PDLIM7: variants seen among roughly 807,000 people sequenced by gnomAD.
PDLIM7 encodes PDZ and LIM domain protein 7.
In PDLIM7, 37 loss-of-function variants were observed where a neutral mutation model predicts 53.9. The observed-to-expected ratio is 0.69, with a 90% CI of 0.53 to 0.90. The LOEUF (loss-of-function observed/expected upper bound fraction) is 0.90, where lower values mean the gene tolerates loss of function less well. PDLIM7 is among the 40% of genes least tolerant of loss of function. PDLIM7 has a pLI of 0.00. For missense variants in PDLIM7, 617 were observed against 638.5 expected (o/e 0.97, Z 0.36); for synonymous variants, 300 against 261.3 (o/e 1.15, Z -1.43).
At chr5:177,496,200 G>C (rs931798466) in intron 2 of PDLIM7, among the ~76,000 whole-genome samples, 1 of 152,182 alleles carries the variant, frequency 6.6e-6, no homozygotes, top group Non-Finnish European at 1.5e-5. Flanking sequence ...AACAGCATCG[G>C]GTACAGTGCA....
intron 2 of PDLIM7, among the ~76,000 whole-genome samples, 170 bp downstream of exon 2, chr5:177,496,247 A>C (rs1759063676): frequency 6.6e-6 from 1 of 152,070 alleles, no homozygotes; most frequent in South Asian, 2.1e-4. Context: ...CCCAGTATCC[A>C]CCTCATTGGG....
At chr5:177,485,988 T>C (rs1049383511) in intron 10 of PDLIM7, among the ~76,000 whole-genome samples, 2 of 152,116 alleles carry the variant, frequency 1.3e-5, no homozygotes, top group Non-Finnish European at 2.9e-5. Flanking sequence ...CCTATCATTA[T>C]ACATAAAGAA....
At chr5:177,485,697 G>C (rs971987956) in intron 10 of PDLIM7, among the ~76,000 whole-genome samples, 1 of 152,210 alleles carries the variant, frequency 6.6e-6, no homozygotes, top group Non-Finnish European at 1.5e-5. Flanking sequence ...GTGTTAAAGA[G>C]AAATCTGCTG....
At chr5:177,491,403 C>T (rs1262742127) in intron 5 of PDLIM7, 1 of 1,551,970 alleles carries the variant, frequency 6.4e-7, no homozygotes, top group Non-Finnish European at 8.7e-7. Flanking sequence ...GGCTCACTGA[C>T]TTGTCAGGGG....
intron 4 of PDLIM7, 74 bp downstream of exon 4, chr5:177,492,331 G>A: frequency 1.3e-6 from 2 of 1,563,206 alleles, no homozygotes; most frequent in East Asian, 2.3e-5. Flanking sequence ...CCGAGAATGT[G>A]CCAGGAGGGC....
At chr5:177,496,377 A>C in intron 2 of PDLIM7, 40 bp downstream of exon 2, 1 of 1,468,110 alleles carries the variant, frequency 6.8e-7, no homozygotes, top group South Asian at 1.4e-5. Flanking sequence ...TAAGCACCGA[A>C]AGACCGCTGG....
chr5:177,485,576 T>C (rs541410116), intron 10 of PDLIM7, among the ~76,000 whole-genome samples: 6 of 152,332 alleles, frequency 3.9e-5, no homozygotes, highest in African/African-American at 1.4e-4. Context: ...CCAGATCCAA[T>C]CCCTGCAAGG....
chr5:177,496,577 C>G (rs539826063), intron 1 of PDLIM7, 54 bp from the exon 2 acceptor site: 1 of 1,289,694 alleles, frequency 7.8e-7, no homozygotes, highest in African/African-American at 1.5e-5. Context: ...GGCAGGCAGG[C>G]AGGCCGGGCC....
chr5:177,490,808 A>G (rs886541529), intron 7 of PDLIM7, 62 bp downstream of exon 7: 2 of 1,578,904 alleles, frequency 1.3e-6, no homozygotes, highest in South Asian at 1.1e-5. Flanking sequence ...GAGTAGACAC[A>G]GGGCAGTAGC....
chr5:177,492,741 T>C, intron 2 of PDLIM7, 64 bp from the exon 3 acceptor site: 1 of 1,540,994 alleles, frequency 6.5e-7, no homozygotes, highest in African/African-American at 1.4e-5. Context: ...AGGCTGACGG[T>C]GGTAACACTG....
At chr5:177,494,351 A>C (rs1282310308) in intron 2 of PDLIM7, among the ~76,000 whole-genome samples, 1 of 152,328 alleles carries the variant, frequency 6.6e-6, no homozygotes, top group East Asian at 1.9e-4. Flanking sequence ...CCACTCCCTC[A>C]CCTTTAGTTC....
rs776333888 is a variant in PDLIM7, at chr5:177,489,601, G to A, written c.661C>T (p.Arg221Cys). ...GCAGGGTCCACAGCCCAGGGCGGGCGGCTGGTAGGGCTGGGGGCGGTAGGG... is the reference window on the plus strand; with the variant it reads ...GCAGGGTCCACAGCCCAGGGCGGGCAGCTGGTAGGGCTGGGGGCGGTAGGG... ...PGPTAPSPTSRPPWAVDPAFA... is the reference protein window; with the variant it reads ...PGPTAPSPTSCPPWAVDPAFA... Residue 221 changes from arginine to cysteine, a missense_variant, in exon 9 of 13, where the codon CGC (arginine) becomes TGC (cysteine). Coordinates refer to ENST00000355841, the MANE Select transcript of PDLIM7 (RefSeq NM_005451.5). 22 of 1,603,568 alleles carry A rather than the reference G, an allele frequency of 1.4e-5. 1 individual carries two copies. Among genetic ancestry groups the A allele is most frequent in the African/African-American group, 9.4e-5 (7 of 74,858 alleles).
At chr5:177,487,185 G>A (rs573384336) in intron 10 of PDLIM7, among the ~76,000 whole-genome samples, 5 of 151,962 alleles carry the variant, frequency 3.3e-5, no homozygotes, top group East Asian at 1.9e-4. Context: ...TGCCCACCTC[G>A]ACCTCCCAAA....
intron 5 of PDLIM7, chr5:177,491,567 C>A (rs762494105): frequency 8.1e-6 from 6 of 740,548 alleles, no homozygotes; most frequent in Non-Finnish European, 1.4e-5. Context: ...ACAACCCAAC[C>A]CCCAGCCGCC....
At chr5:177,494,896 G>T (rs374497107) in intron 2 of PDLIM7, 1 of 152,282 alleles carries the variant, frequency 6.6e-6, no homozygotes, top group Non-Finnish European at 1.5e-5. Context: ...GGTCAGGGGA[G>T]GGGGAGGGGG....
At chr5:177,488,335 G>A in intron 9 of PDLIM7, 87 bp from the exon 10 acceptor site, 1 of 1,056,084 alleles carries the variant, frequency 9.5e-7, no homozygotes, top group Non-Finnish European at 1.4e-6. Context: ...CACCCACCAG[G>A]AGGCCTTGGG....
intron 5 of PDLIM7, 45 bp from the exon 6 acceptor site, chr5:177,491,191 G>A: frequency 1.9e-6 from 3 of 1,552,778 alleles, no homozygotes; most frequent in Non-Finnish European, 2.6e-6. Context: ...GGGGTGGGCG[G>A]TGGGGGCAGC....
chr5:177,484,239 G>T, intron 10 of PDLIM7, 49 bp from the exon 11 acceptor site: 1 of 1,602,264 alleles, frequency 6.2e-7, no homozygotes, highest in Non-Finnish European at 8.5e-7. Flanking sequence ...CTCCTGCCCT[G>T]CCCTGGGTCA....
intron 5 of PDLIM7, chr5:177,491,498 G>C (rs1293717973): frequency 8.5e-7 from 1 of 1,175,464 alleles, no homozygotes; most frequent in African/African-American, 1.5e-5. Context: ...ACGGGGAGGG[G>C]TCAGAACAGC....
Sources: gnomAD v4.1 joint callset for allele counts (sites outside exome capture counted in the v4.1 genomes callset) on GRCh38, gnomAD v4.1.1 for gene constraint, MANE v1.5 for transcripts, NCBI Gene and HGNC (gene_info 2026-07-23, HGNC 2026-07-21) for gene names.